The following LONRF3 variants were observed in gnomAD, a reference collection of about 807,000 sequenced individuals.
LONRF3 encodes LON peptidase N-terminal domain and ring finger 3, also known as LON peptidase N-terminal domain and RING finger protein 3.
Under a neutral mutation model 51.7 loss-of-function variants are expected in LONRF3, and 19 were observed. That is an observed-to-expected ratio of 0.37 (90% confidence interval 0.26 to 0.54). LONRF3 has a LOEUF of 0.54. Among genes scored for constraint, LONRF3 ranks in the 20% least tolerant of loss-of-function variants. LONRF3 has a pLI of 0.86. For synonymous variants in LONRF3, 265 were observed against 257.8 expected (o/e 1.03, Z -0.27); for missense variants, 521 against 623.9 (o/e 0.84, Z 1.76).
intron 5 of LONRF3, among the ~76,000 whole-genome samples, chrX:118,993,280 CAAG>C (rs1569477296): frequency 9.0e-6 from 1 of 111,298 alleles, no homozygotes; most frequent in Non-Finnish European, 1.9e-5. Context: ...AAAACTGGCA[CAAG>C]AAGTGAAGGG....
At chrX:118,983,194 T>C (rs990274547) in intron 3 of LONRF3, among the ~76,000 whole-genome samples, 3 of 112,050 alleles carry the variant, frequency 2.7e-5, no homozygotes, top group African/African-American at 9.7e-5. Flanking sequence ...TTCTTGCTTC[T>C]TTGACTCAGG....
chrX:118,993,635 C>G, intron 5 of LONRF3, among the ~76,000 whole-genome samples: 1 of 111,536 alleles, frequency 9.0e-6, no homozygotes, highest in Admixed American at 9.5e-5. Context: ...CTTCCCCGGC[C>G]TTGTGAGAGA....
At chrX:119,004,518 T>C (rs906726384) in intron 5 of LONRF3, among the ~76,000 whole-genome samples, 3 of 112,400 alleles carry the variant, frequency 2.7e-5, no homozygotes, top group African/African-American at 9.7e-5. Flanking sequence ...TGATCCTCAA[T>C]CTTGGCTGTA....
chrX:118,987,999 G>A (rs1440038788), intron 3 of LONRF3, among the ~76,000 whole-genome samples: 3 of 111,421 alleles, frequency 2.7e-5, no homozygotes, highest in Non-Finnish European at 3.8e-5. Context: ...TCCCGGCAGA[G>A]GGTAAGTGGT....
chrX:118,986,957 G>A (rs969175687), intron 3 of LONRF3: 2 of 1,153,690 alleles, frequency 1.7e-6, no homozygotes, highest in South Asian at 1.9e-5. Flanking sequence ...CATCAGTCCC[G>A]GGGGATTCTC....
intron 6 of LONRF3, among the ~76,000 whole-genome samples, chrX:119,007,317 A>C (rs746723880): frequency 1.8e-5 from 2 of 111,601 alleles, no homozygotes; most frequent in East Asian, 5.6e-4. Context: ...AAGGCCCCAG[A>C]AGAACCTCAC....
At chrX:118,998,783 C>T (rs1363299621) in intron 5 of LONRF3, among the ~76,000 whole-genome samples, 1 of 111,680 alleles carries the variant, frequency 9.0e-6, no homozygotes, top group Non-Finnish European at 1.9e-5. Flanking sequence ...CTCACTGCAT[C>T]CTCTGCCTCC....
rs781554658 is a variant in LONRF3 at position 119,001,747 on chromosome X, A to T, written c.1416-4374A>T. ...TTTTAATCACAGCTTTTGCTAAGAG[A>T]TTGCTGTGTCCTTTTGTGTGTGTTT... On this transcript the variant is annotated intron_variant, in intron 5 of 10. Coordinates refer to ENST00000371628, the MANE Select transcript of LONRF3 (RefSeq NM_001031855.3). 1.3e-4 allele frequency among the ~76,000 whole-genome samples: 15 copies of T among 112,612 alleles called. No homozygotes were observed. In the South Asian group the frequency reaches 5.1e-3, roughly 39 times the overall value.
At chrX:118,983,395 G>A (rs1922719276) in intron 3 of LONRF3, among the ~76,000 whole-genome samples, 1 of 111,706 alleles carries the variant, frequency 9.0e-6, no homozygotes, top group Non-Finnish European at 1.9e-5. Flanking sequence ...AAGGGACGTT[G>A]GTGGTCCCCA....
At chrX:118,991,857 G>A (rs1331862547) in intron 5 of LONRF3, among the ~76,000 whole-genome samples, 1 of 81,375 alleles carries the variant, frequency 1.2e-5, no homozygotes, top group Non-Finnish European at 2.3e-5. Context: ...CTCAGTAAAT[G>A]TTAACTATTT....
intron 10 of LONRF3, among the ~76,000 whole-genome samples, chrX:119,016,334 C>CTTTA (rs1367128921): frequency 9.0e-5 from 7 of 77,955 alleles, no homozygotes; most frequent in Non-Finnish European, 1.6e-4. Context: ...GAATATATTT[C>CTTTA]TTTCTTTCTT....
chrX:118,994,595 G>T (rs1175103142), intron 5 of LONRF3, among the ~76,000 whole-genome samples: 1 of 110,534 alleles, frequency 9.0e-6, no homozygotes, highest in Non-Finnish European at 1.9e-5. Context: ...TAGAGACTGG[G>T]TTTCACCATG....
chrX:119,007,514 C>G (rs1344364964), intron 6 of LONRF3, among the ~76,000 whole-genome samples: 2 of 112,416 alleles, frequency 1.8e-5, no homozygotes, highest in East Asian at 2.8e-4. Context: ...GAGAATCTAT[C>G]TTGTTTTCCC....
Position 119,017,739 on chromosome X carries a change from G to A in LONRF3, c.*49G>A. On this transcript the variant is annotated 3_prime_UTR_variant, in exon 11 of 11. Coordinates refer to ENST00000371628, the MANE Select transcript of LONRF3 (RefSeq NM_001031855.3). Reference sequence around the variant, plus strand: ...TCCCACCTTCCCCACTGCCGTCGGGGGGAGTCTTCTTGTAAATATATCTAA... The same window carrying A: ...TCCCACCTTCCCCACTGCCGTCGGGAGGAGTCTTCTTGTAAATATATCTAA... 1 of 1,099,153 alleles carries A rather than the reference G, an allele frequency of 9.1e-7. No homozygotes were observed. The allele number at this position is 1,099,153 out of a possible 1,213,427, so 90.6% of individuals were successfully genotyped here.
chrX:119,006,307 T>C, intron 6 of LONRF3, 72 bp downstream of exon 6: 3 of 795,380 alleles, frequency 3.8e-6, no homozygotes, highest in Non-Finnish European at 5.5e-6. Flanking sequence ...TTATTTGGAA[T>C]TGGGCACTAA....
chrX:119,017,612 C>T lies in LONRF3; in HGVS notation c.2202C>T (p.Phe734=). The change falls in exon 11 of 11, where the codon TTC becomes TTT. Residue 734 remains phenylalanine, a synonymous_variant. Coordinates refer to ENST00000371628, the MANE Select transcript of LONRF3 (RefSeq NM_001031855.3). The stretch of plus-strand genomic sequence containing the variant: ...TGGAAAGCCGAGCTCAGCTCCCCTT[C>T]CTAGCAATGAGGTCCTTAAAGGACA... ...LPLESRAQLP[F]LAMRSLKDRL... The T allele has an allele frequency of 8.3e-7, 1 of 1,211,004 alleles. No individual in the cohort carries two copies.
rs757406924 is a variant in LONRF3 at position 119,013,174 on chromosome X, C to T, written c.1947C>T (p.Ala649=). ...GCCAGCGGGATGGCTACAACACAGC[C>T]GACATTGAATACATTGAAGACCAAA... The part of the protein sequence containing the change: ...HQSQRDGYNT[A]DIEYIEDQKV... Residue 649 remains alanine, a synonymous_variant, in exon 9 of 11, where the codon GCC becomes GCT. Transcript: ENST00000371628. 5.0e-6 allele frequency: 6 copies of T among 1,210,182 alleles called. No homozygotes were observed. Among genetic ancestry groups the T allele is most frequent in the African/African-American group, 3.5e-5 (2 of 57,356 alleles).
In LONRF3 at chrX:118,974,880, G is replaced by C. The variant is rs1338712554; in HGVS notation, c.100G>C (p.Asp34His). Residue 34 changes from aspartate (D) to histidine (H), a missense_variant, in exon 1 of 11, where the codon GAC becomes CAC. Coordinates refer to ENST00000371628, the MANE Select transcript of LONRF3 (RefSeq NM_001031855.3). ...GCGAGGGGCATCAGCGGCCCAAGTA[G>C]ACATGGGCCCCCACCCAAAGGTGGC... ...AERGASAAQVDMGPHPKVAAE... is the reference protein window; with the variant it reads ...AERGASAAQVHMGPHPKVAAE... 8.3e-7 allele frequency: 1 copy of C among 1,203,255 alleles called. No individual in the cohort carries two copies.
At chrX:118,980,366 AT>A (rs2147267432) in intron 2 of LONRF3, among the ~76,000 whole-genome samples, 1 of 112,172 alleles carries the variant, frequency 8.9e-6, no homozygotes, top group African/African-American at 3.2e-5. Context: ...TGGGACAAAT[AT>A]TTTTAAACAC....
Sources: allele counts gnomAD v4.1 joint callset (sites outside exome capture counted in the v4.1 genomes callset), GRCh38; gene constraint gnomAD v4.1.1; transcripts MANE v1.5; gene names NCBI Gene and HGNC (gene_info 2026-07-23, HGNC 2026-07-21).